The following FGGY variants were observed in gnomAD, a reference collection of about 807,000 sequenced individuals.
FGGY encodes the protein FGGY carbohydrate kinase domain-containing protein.
FGGY carries 72 observed loss-of-function variants against 71.3 expected under a neutral mutation model. The ratio of observed to expected loss-of-function variants is 1.01; its 90% confidence interval spans 0.84 to 1.23. The LOEUF is 1.23. Among genes scored for constraint, FGGY ranks in the 50% most tolerant of loss-of-function variants. The probability of loss-of-function intolerance (pLI) is 0.00; values close to 1 mark genes in which losing one functional copy is unlikely to be tolerated. For missense variants in FGGY, 668 were observed against 682.3 expected (o/e 0.98, Z 0.23); for synonymous variants, 251 against 250.3 (o/e 1.00, Z -0.02).
chr1:59,453,231 A>G (rs974938747), intron 5 of FGGY, among the ~76,000 whole-genome samples: 15 of 152,164 alleles, frequency 9.9e-5, no homozygotes, highest in African/African-American at 1.4e-4. Context: ...AATAATCCCA[A>G]TGAAGGAGGG....
At chr1:59,444,494 G>T (rs2070756204) in intron 5 of FGGY, among the ~76,000 whole-genome samples, 2 of 151,804 alleles carry the variant, frequency 1.3e-5, no homozygotes, top group South Asian at 2.1e-4. Flanking sequence ...TATAGAACAG[G>T]GCTCCCCAAC....
At chr1:59,471,340 T>C (rs2092930622) in intron 6 of FGGY, among the ~76,000 whole-genome samples, 1 of 152,184 alleles carries the variant, frequency 6.6e-6, no homozygotes, top group Admixed American at 6.5e-5. Flanking sequence ...GGTGAGTCAA[T>C]TAAACCTCTT....
rs192695506 is a variant in FGGY at position 59,747,175 on chromosome 1, A to G, written c.1513-10756A>G. Among the ~76,000 whole-genome samples, 167 of 152,344 alleles carry G rather than the reference A, an allele frequency of 1.1e-3. 1 individual carries two copies. Among genetic ancestry groups the G allele is most frequent in the South Asian group, 2.3e-3 (11 of 4,834 alleles). On this transcript the variant is annotated intron_variant, in intron 14 of 15. Transcript: ENST00000303721. The stretch of plus-strand genomic sequence containing the variant: ...GTGACAGCTTGCAGTTTTGGAACCT[A>G]TCATCTGTCTGATGCTTTTAGCAAG...
intron 4 of FGGY, among the ~76,000 whole-genome samples, chr1:59,366,420 C>T (rs940815096): frequency 2.6e-5 from 4 of 151,948 alleles, no homozygotes; most frequent in Non-Finnish European, 5.9e-5. Context: ...CATCTCTCCC[C>T]GGAAGCCTTT....
chr1:59,535,125 G>A (rs1215875083), intron 7 of FGGY, among the ~76,000 whole-genome samples: 1 of 152,220 alleles, frequency 6.6e-6, no homozygotes, highest in African/African-American at 2.4e-5. Context: ...CAAAATAAAA[G>A]GATGGAGGAA....
intron 1 of FGGY, among the ~76,000 whole-genome samples, chr1:59,297,740 G>A (rs1369893766): frequency 1.3e-5 from 2 of 151,854 alleles, no homozygotes; most frequent in Non-Finnish European, 2.9e-5. Flanking sequence ...GGAGAATAGC[G>A]TGAACCCAGG....
chr1:59,692,945 C>T (rs182095309), intron 14 of FGGY, among the ~76,000 whole-genome samples: 1 of 152,246 alleles, frequency 6.6e-6, no homozygotes, highest in East Asian at 1.9e-4. Context: ...GAGTCTGAGC[C>T]TCACATCTGC....
At chr1:59,759,276 G>T (rs2098321893) in intron 15 of FGGY, among the ~76,000 whole-genome samples, 1 of 152,236 alleles carries the variant, frequency 6.6e-6, no homozygotes, top group East Asian at 1.9e-4. Flanking sequence ...TCCACATAGA[G>T]TCAGGCTGCT....
intron 14 of FGGY, among the ~76,000 whole-genome samples, chr1:59,680,497 A>G (rs2097486920): frequency 6.6e-6 from 1 of 151,254 alleles, no homozygotes; most frequent in African/African-American, 2.4e-5. Flanking sequence ...AGAAAAAAAA[A>G]AAAAATAGAA....
chr1:59,536,128 A>G (rs2095308353), intron 7 of FGGY, among the ~76,000 whole-genome samples: 1 of 151,912 alleles, frequency 6.6e-6, no homozygotes, highest in Non-Finnish European at 1.5e-5. Flanking sequence ...TAGATGCAAT[A>G]AAAAATGATA....
intron 14 of FGGY, among the ~76,000 whole-genome samples, chr1:59,736,189 A>G (rs1218272384): frequency 1.3e-5 from 2 of 152,138 alleles, no homozygotes; most frequent in African/African-American, 4.8e-5. Flanking sequence ...GAGGCCTCCC[A>G]GCCATATGGA....
intron 8 of FGGY, among the ~76,000 whole-genome samples, chr1:59,575,546 A>T (rs2153741879): frequency 6.6e-6 from 1 of 152,276 alleles, no homozygotes; most frequent in Admixed American, 6.5e-5. Context: ...ATTGTGAATA[A>T]TGGTGCAGTG....
intron 6 of FGGY, among the ~76,000 whole-genome samples, chr1:59,459,675 T>C (rs991050436): frequency 5.3e-5 from 8 of 152,286 alleles, no homozygotes; most frequent in Admixed American, 5.2e-4. Context: ...CCTAAACATC[T>C]ATCAAAAGCA....
intron 8 of FGGY, among the ~76,000 whole-genome samples, chr1:59,605,871 T>G (rs1374756233): frequency 6.6e-6 from 1 of 152,152 alleles, no homozygotes; most frequent in Non-Finnish European, 1.5e-5. Context: ...TGAGTAAATA[T>G]TTGTGAAATA....
At chr1:59,738,347 C>T (rs527628774) in intron 14 of FGGY, among the ~76,000 whole-genome samples, 21 of 152,322 alleles carry the variant, frequency 1.4e-4, no homozygotes, top group Admixed American at 6.5e-5. Context: ...TATGTAAACT[C>T]GGCCTTTGCC....
chr1:59,508,968 C>G (rs758020779), intron 6 of FGGY, among the ~76,000 whole-genome samples: 1 of 152,148 alleles, frequency 6.6e-6, no homozygotes, highest in African/African-American at 2.4e-5. Flanking sequence ...CCTGCAGCAC[C>G]TTGGTGAACT....
chr1:59,614,553 GC>G (rs1309122276), intron 9 of FGGY, among the ~76,000 whole-genome samples: 1 of 152,134 alleles, frequency 6.6e-6, no homozygotes, highest in Non-Finnish European at 1.5e-5. Flanking sequence ...TACTGAATGG[GC>G]AAAAACTGGA....
intron 8 of FGGY, among the ~76,000 whole-genome samples, chr1:59,586,589 A>G (rs1182150185): frequency 3.3e-5 from 5 of 152,280 alleles, no homozygotes; most frequent in Middle Eastern, 6.8e-3. Context: ...GCACACCAAC[A>G]TGGCACATGT....
intron 1 of FGGY, among the ~76,000 whole-genome samples, chr1:59,300,913 C>A (rs545984755): frequency 3.2e-4 from 49 of 152,132 alleles, no homozygotes; most frequent in African/African-American, 1.1e-3. Flanking sequence ...TAGTATAAGT[C>A]CTTTAATTTT....
Sources: allele counts gnomAD v4.1 joint callset (sites outside exome capture counted in the v4.1 genomes callset), GRCh38; gene constraint gnomAD v4.1.1; transcripts MANE v1.5; gene names NCBI Gene and HGNC (gene_info 2026-07-23, HGNC 2026-07-21).